The following HELZ variants were observed in gnomAD, a reference collection of about 807,000 sequenced individuals.
HELZ encodes the protein helicase with zinc finger.
Under a neutral mutation model 218.2 loss-of-function variants are expected in HELZ, and 23 were observed. The ratio of observed to expected loss-of-function variants is 0.11; its 90% confidence interval spans 0.08 to 0.15. The LOEUF (loss-of-function observed/expected upper bound fraction) is 0.15, where lower values mean the gene tolerates loss of function less well. HELZ is among the 10% of genes least tolerant of loss of function. The pLI is 1.00. For missense variants in HELZ, 1,813 were observed against 2,353.7 expected, an observed-to-expected ratio of 0.77 and a Z score of 4.75; for synonymous variants, 814 against 829.4, an observed-to-expected ratio of 0.98 and a Z score of 0.32.
intron 4 of HELZ, 107 bp downstream of exon 4, chr17:67,218,488 T>G (rs1424546846): frequency 5.9e-6 from 5 of 853,996 alleles, no homozygotes; most frequent in Non-Finnish European, 9.8e-6. Context: ...ACCAGCCACT[T>G]CACTCACATC....
chr17:67,161,744 A>T (rs2039000054), intron 15 of HELZ, among the ~76,000 whole-genome samples: 1 of 152,218 alleles, frequency 6.6e-6, no homozygotes, highest in African/African-American at 2.4e-5. Flanking sequence ...AACACCTGTC[A>T]CAGTCGCACA....
At chr17:67,144,696 C>T (rs182792939) in intron 21 of HELZ, among the ~76,000 whole-genome samples, 121 of 152,108 alleles carry the variant, frequency 8.0e-4, no homozygotes, top group African/African-American at 2.7e-3. Flanking sequence ...ACCGCAGGGC[C>T]ACCAAGGCTT....
intron 3 of HELZ, among the ~76,000 whole-genome samples, chr17:67,226,086 C>T (rs2040881885): frequency 6.6e-6 from 1 of 151,384 alleles, no homozygotes; most frequent in South Asian, 2.1e-4. Context: ...ATGGTGAAAC[C>T]CCATCTTTCC....
chr17:67,139,719 G>A (rs1834219975), intron 21 of HELZ, among the ~76,000 whole-genome samples: 1 of 152,190 alleles, frequency 6.6e-6, no homozygotes, highest in South Asian at 2.1e-4. Flanking sequence ...GAAGGTTGAG[G>A]CCTACAAGCT....
Position 67,072,656 on chromosome 17 carries a change from G to A in HELZ, c.*5596C>T, listed in dbSNP as rs1318049442. On this transcript the variant is annotated 3_prime_UTR_variant, in exon 33 of 33. Coordinates refer to ENST00000358691, the MANE Select transcript of HELZ (RefSeq NM_014877.4). ...CGGAAGAGCAGTGCAGACCCCAGCAGGGGTGAGAGTGAGGAGGGGTGGTGG... is the reference window on the plus strand; with the variant it reads ...CGGAAGAGCAGTGCAGACCCCAGCAAGGGTGAGAGTGAGGAGGGGTGGTGG... The A allele has an allele frequency of 1.3e-5, 2 of 152,284 alleles. No individual in the cohort carries two copies. Among genetic ancestry groups the A allele is most frequent in the Non-Finnish European group, 2.9e-5 (2 of 68,082 alleles). 9.4% of individuals were successfully genotyped at this position (152,284 alleles called of 1,614,324 possible).
At chr17:67,151,338 G>C in intron 17 of HELZ, 114 bp from the exon 18 acceptor site, 1 of 846,580 alleles carries the variant, frequency 1.2e-6, no homozygotes, top group South Asian at 1.8e-5. Context: ...AGTTACAAAT[G>C]AATCTGGTAA....
chr17:67,230,562 A>C (rs2041010029), intron 3 of HELZ, among the ~76,000 whole-genome samples: 1 of 132,544 alleles, frequency 7.5e-6, no homozygotes, highest in South Asian at 2.3e-4. Flanking sequence ...GCGGCATTGT[A>C]CTCCAGCCTG....
intron 30 of HELZ, among the ~76,000 whole-genome samples, 165 bp from the exon 31 acceptor site, chr17:67,107,850 G>C (rs1222674789): frequency 1.3e-5 from 2 of 152,192 alleles, no homozygotes; most frequent in East Asian, 3.8e-4. Context: ...AATAGATGCT[G>C]AGGTGAAGAA....
At chr17:67,086,445 G>GGT (rs1368397049) in intron 32 of HELZ, among the ~76,000 whole-genome samples, 4 of 151,276 alleles carry the variant, frequency 2.6e-5, no homozygotes, top group Admixed American at 6.6e-5. Flanking sequence ...GCCAGGCGTG[G>GGT]GTGTGTGTGC....
chr17:67,124,740 T>C (rs567620337), intron 24 of HELZ, among the ~76,000 whole-genome samples: 27 of 152,256 alleles, frequency 1.8e-4, no homozygotes, highest in Non-Finnish European at 2.9e-4. Context: ...ACAATCTACA[T>C]GCCCATCAGT....
At chr17:67,155,631 G>A (rs1211153082) in intron 17 of HELZ, among the ~76,000 whole-genome samples, 2 of 152,174 alleles carry the variant, frequency 1.3e-5, no homozygotes, top group Non-Finnish European at 2.9e-5. Flanking sequence ...GAGGCCAGGA[G>A]TTCGAGGCCA....
chr17:67,179,775 C>T (rs1447058447), intron 12 of HELZ: 2 of 151,962 alleles, frequency 1.3e-5, no homozygotes, highest in African/African-American at 2.4e-5. Context: ...CTTACTGATA[C>T]ATTACACCAA....
chr17:67,189,478 T>A (rs1187413322), intron 11 of HELZ, 111 bp downstream of exon 11: 5 of 656,682 alleles, frequency 7.6e-6, no homozygotes, highest in Non-Finnish European at 1.4e-5. Context: ...ATATATAATG[T>A]ACTTAGATTA....
At chr17:67,157,160 A>G (rs1485739665) in intron 17 of HELZ, among the ~76,000 whole-genome samples, 1 of 152,216 alleles carries the variant, frequency 6.6e-6, no homozygotes, top group East Asian at 1.9e-4. Context: ...TGCTTTCTAT[A>G]AAGCCTGCAG....
At chr17:67,166,631 T>TA (rs2039153395) in intron 14 of HELZ, 23 bp from the exon 15 acceptor site, 11 of 1,611,232 alleles carry the variant, frequency 6.8e-6, no homozygotes, top group Non-Finnish European at 8.5e-6. Flanking sequence ...ATGAATGTTT[T>TA]AAAAACTGCA....
intron 31 of HELZ, among the ~76,000 whole-genome samples, chr17:67,104,230 T>G (rs1049323185): frequency 6.6e-6 from 1 of 151,704 alleles, no homozygotes; most frequent in Non-Finnish European, 1.5e-5. Context: ...GTCAGGAGAT[T>G]GAGACTATCC....
chr17:67,204,487 C>G (rs1224723540), intron 5 of HELZ, among the ~76,000 whole-genome samples: 4 of 152,040 alleles, frequency 2.6e-5, no homozygotes, highest in African/African-American at 7.2e-5. Context: ...TCAGTATTTT[C>G]CATGTGATCA....
chr17:67,192,150 C>T (rs536296980), intron 9 of HELZ, among the ~76,000 whole-genome samples: 3 of 151,758 alleles, frequency 2.0e-5, no homozygotes, highest in South Asian at 2.1e-4. Flanking sequence ...TGCAGTAAGC[C>T]GAGATCATGC....
chr17:67,105,639 C>T (rs2037077924), intron 31 of HELZ, among the ~76,000 whole-genome samples: 1 of 152,128 alleles, frequency 6.6e-6, no homozygotes, highest in Non-Finnish European at 1.5e-5. Flanking sequence ...ATAGCTAAAA[C>T]ATCACTTAAC....
Sources: gnomAD v4.1 joint callset for allele counts (sites outside exome capture counted in the v4.1 genomes callset) on GRCh38, gnomAD v4.1.1 for gene constraint, MANE v1.5 for transcripts, NCBI Gene and HGNC (gene_info 2026-07-23, HGNC 2026-07-21) for gene names.